Variants in CTNNA3 observed in about 807,000 individuals in gnomAD.
CTNNA3 encodes catenin alpha 3.
CTNNA3 carries 76 observed loss-of-function variants against 95.7 expected under a neutral mutation model. That is an observed-to-expected ratio of 0.79 (90% CI 0.66 to 0.96). The LOEUF (loss-of-function observed/expected upper bound fraction) is 0.96. Among genes scored for constraint, CTNNA3 ranks in the 40% least tolerant of loss-of-function variants. The probability of loss-of-function intolerance (pLI) is 0.00; values close to 1 mark genes in which losing one functional copy is unlikely to be tolerated. For synonymous variants in CTNNA3, 431 were observed against 374.4 expected, an observed-to-expected ratio of 1.15 and a Z score of -1.74; for missense variants, 1,191 against 1,089.8, an observed-to-expected ratio of 1.09 and a Z score of -1.31.
intron 5 of CTNNA3, among the ~76,000 whole-genome samples, chr10:67,225,937 G>C (rs1314383621): frequency 6.6e-6 from 1 of 152,140 alleles, no homozygotes; most frequent in Admixed American, 6.5e-5. Context: ...GGAGGGACCA[G>C]AGAAAGGTGA....
chr10:67,073,725 A>G (rs1248149951), intron 7 of CTNNA3, among the ~76,000 whole-genome samples: 1 of 152,228 alleles, frequency 6.6e-6, no homozygotes, highest in Non-Finnish European at 1.5e-5. Flanking sequence ...AAAATCAAAG[A>G]CAGATAAACA....
intron 5 of CTNNA3, among the ~76,000 whole-genome samples, chr10:67,322,903 A>T (rs551091414): frequency 1.3e-3 from 192 of 152,130 alleles, no homozygotes; most frequent in Non-Finnish European, 2.3e-3. Context: ...ACTTTTTAAC[A>T]ATAGCCATTC....
rs189891345 is a variant in CTNNA3, at chr10:66,888,002, T to C, written c.1048-112478A>G. Reference sequence around the variant, plus strand: ...GACTGTGCAGATGTGACTAATGGTATAGACACAAAGAGAGAAAATTACCCT... The same window carrying C: ...GACTGTGCAGATGTGACTAATGGTACAGACACAAAGAGAGAAAATTACCCT... On this transcript the variant is annotated intron_variant, in intron 7 of 17. Transcript: ENST00000433211. Among the ~76,000 whole-genome samples, 33 of 152,252 alleles carry C rather than the reference T, an allele frequency of 2.2e-4. 1 individual carries two copies. The highest frequency in any genetic ancestry group is 7.2e-4 in the African/African-American group (30 of 41,540).
chr10:67,626,572 T>C (rs1438521611), intron 2 of CTNNA3, among the ~76,000 whole-genome samples: 1 of 152,216 alleles, frequency 6.6e-6, no homozygotes, highest in Non-Finnish European at 1.5e-5. Context: ...AGATGGGACT[T>C]TGAGTGACCC....
chr10:67,280,550 C>T (rs1839353969), intron 5 of CTNNA3, among the ~76,000 whole-genome samples: 1 of 151,798 alleles, frequency 6.6e-6, no homozygotes, highest in Non-Finnish European at 1.5e-5. Context: ...CCAACCGGCT[C>T]CCACTTCACA....
At chr10:66,527,831 A>T (rs773820703) in intron 10 of CTNNA3, among the ~76,000 whole-genome samples, 1 of 152,112 alleles carries the variant, frequency 6.6e-6, no homozygotes, top group Admixed American at 6.5e-5. Flanking sequence ...TTGTGTGTGT[A>T]TAATCTTCAG....
intron 5 of CTNNA3, among the ~76,000 whole-genome samples, chr10:67,232,931 TA>T: frequency 6.6e-6 from 1 of 151,738 alleles, no homozygotes; most frequent in East Asian, 1.9e-4. Context: ...TACATAACGG[TA>T]AAGGGATCAA....
chr10:67,726,204 A>C (rs1356828813), intron 1 of CTNNA3, among the ~76,000 whole-genome samples: 3 of 98,366 alleles, frequency 3.0e-5, no homozygotes, highest in Non-Finnish European at 5.3e-5. Flanking sequence ...ATAATATATC[A>C]TATATTATAC....
At chr10:67,261,510 C>A (rs2132391439) in intron 5 of CTNNA3, among the ~76,000 whole-genome samples, 1 of 152,244 alleles carries the variant, frequency 6.6e-6, no homozygotes, top group African/African-American at 2.4e-5. Flanking sequence ...AATGTGAAAA[C>A]TGATTATATA....
At chr10:66,015,105 A>AATAATAAT (rs2079068889) in intron 15 of CTNNA3, among the ~76,000 whole-genome samples, 5 of 150,152 alleles carry the variant, frequency 3.3e-5, no homozygotes, top group South Asian at 4.2e-4. Flanking sequence ...CTGTCTCAAA[A>AATAATAAT]AATAATAATA....
At chr10:65,987,071 G>C (rs1175777776) in intron 16 of CTNNA3, among the ~76,000 whole-genome samples, 2 of 151,614 alleles carry the variant, frequency 1.3e-5, no homozygotes, top group African/African-American at 2.4e-5. Context: ...TAAAGGCCTA[G>C]CATAAAATCC....
intron 5 of CTNNA3, among the ~76,000 whole-genome samples, chr10:67,366,930 A>G (rs2132688543): frequency 6.6e-6 from 1 of 152,260 alleles, no homozygotes; most frequent in Non-Finnish European, 1.5e-5. Context: ...AAAATTTTCA[A>G]AAAGTTTAAA....
In CTNNA3 at chr10:66,691,564, C is replaced by T. The variant is rs571895705; in HGVS notation, c.1282-69780G>A. On this transcript the variant is annotated intron_variant, in intron 9 of 17. Coordinates refer to ENST00000433211, the MANE Select transcript of CTNNA3 (RefSeq NM_013266.4). ...ACAAACAAAGAGACAGCAGTAACCT[C>T]TGCAGACTTAAATGTCCCTCTCTGA... 1.2e-3 allele frequency among the ~76,000 whole-genome samples: 183 copies of T among 152,324 alleles called. 1 individual carries two copies. The highest frequency in any genetic ancestry group is 4.3e-3 in the African/African-American group (180 of 41,574).
intron 2 of CTNNA3, among the ~76,000 whole-genome samples, chr10:67,642,539 G>A (rs1488899561): frequency 5.3e-5 from 8 of 152,054 alleles, no homozygotes; most frequent in Admixed American, 5.2e-4. Flanking sequence ...CCAACATGGT[G>A]AAACCCCGTG....
chr10:67,003,938 A>T (rs1206227768), intron 7 of CTNNA3, among the ~76,000 whole-genome samples: 2 of 152,186 alleles, frequency 1.3e-5, no homozygotes, highest in African/African-American at 4.8e-5. Context: ...TTATTGCATG[A>T]GTAAGTTCTA....
intron 14 of CTNNA3, among the ~76,000 whole-genome samples, chr10:66,082,137 A>T (rs975921584): frequency 1.3e-5 from 2 of 151,970 alleles, no homozygotes; most frequent in Non-Finnish European, 2.9e-5. Flanking sequence ...AATAAAAATA[A>T]ACATAAAAAC....
intron 1 of CTNNA3, among the ~76,000 whole-genome samples, chr10:67,663,285 A>G (rs1840241439): frequency 6.6e-6 from 1 of 151,966 alleles, no homozygotes; most frequent in East Asian, 1.9e-4. Flanking sequence ...AAGAGCTTTC[A>G]GTATTTGTTT....
At chr10:66,117,598 C>A (rs191187453) in intron 13 of CTNNA3, among the ~76,000 whole-genome samples, 1 of 152,090 alleles carries the variant, frequency 6.6e-6, no homozygotes, top group Non-Finnish European at 1.5e-5. Flanking sequence ...AGAAACATTG[C>A]AGCTTTTAGT....
At chr10:67,700,409 G>T (rs900947414), upstream of CTNNA3, among the ~76,000 whole-genome samples, 1 of 152,146 alleles carries the variant, frequency 6.6e-6, no homozygotes, top group Non-Finnish European at 1.5e-5. Context: ...CACACGGCCA[G>T]GTACTCCTCT....
Sources: gnomAD v4.1 joint callset for allele counts (sites outside exome capture counted in the v4.1 genomes callset) on GRCh38, gnomAD v4.1.1 for gene constraint, MANE v1.5 for transcripts, NCBI Gene and HGNC (gene_info 2026-07-23, HGNC 2026-07-21) for gene names.